TBC1D19: variants seen among roughly 807,000 people sequenced by gnomAD.
The protein encoded by TBC1D19 is TBC1 domain family member 19.
Under a neutral mutation model 89.0 loss-of-function variants are expected in TBC1D19, and 60 were observed. The observed-to-expected ratio is 0.67, with a 90% CI of 0.55 to 0.84. The LOEUF (loss-of-function observed/expected upper bound fraction) is 0.84. TBC1D19 is among the 40% of genes least tolerant of loss of function. The pLI, the probability that TBC1D19 is intolerant of heterozygous loss-of-function variation, is 0.00. For missense variants in TBC1D19, 500 were observed against 610.8 expected (o/e 0.82, Z 1.91); for synonymous variants, 189 against 199.7 (o/e 0.95, Z 0.45).
upstream of TBC1D19, among the ~76,000 whole-genome samples, chr4:26,581,591 G>A (rs1171506443): frequency 6.6e-6 from 1 of 152,164 alleles, no homozygotes; most frequent in Non-Finnish European, 1.5e-5. Context: ...TGGTGTATAT[G>A]TGCCACCAGA....
intron 13 of TBC1D19, among the ~76,000 whole-genome samples, chr4:26,697,130 A>T (rs1394652013): frequency 6.6e-6 from 1 of 152,206 alleles, no homozygotes; most frequent in Non-Finnish European, 1.5e-5. Context: ...TAAAGAAGAA[A>T]AGAGAGAAGA....
chr4:26,849,776 A>T, the TBC1D19 span, among the ~76,000 whole-genome samples: 1 of 152,310 alleles, frequency 6.6e-6, no homozygotes, highest in Non-Finnish European at 1.5e-5. Flanking sequence ...CTAAATCCAT[A>T]TTATGCCAAC....
At chr4:26,667,257 A>G (rs1711893193) in intron 9 of TBC1D19, among the ~76,000 whole-genome samples, 1 of 152,050 alleles carries the variant, frequency 6.6e-6, no homozygotes, top group Admixed American at 6.6e-5. Flanking sequence ...ATAAAAGAAT[A>G]CATCTATAAT....
chr4:26,728,074 G>A (rs1282640360), intron 15 of TBC1D19, among the ~76,000 whole-genome samples: 2 of 152,122 alleles, frequency 1.3e-5, no homozygotes, highest in Admixed American at 6.5e-5. Flanking sequence ...TTAATTTATT[G>A]TAAGCTTTCT....
chr4:26,624,465 C>T (rs1174925705), intron 4 of TBC1D19, among the ~76,000 whole-genome samples: 4 of 152,146 alleles, frequency 2.6e-5, no homozygotes, highest in African/African-American at 9.7e-5. Context: ...CAACCTCAGC[C>T]TCCCAAAGTG....
At chr4:26,847,520 C>T in the TBC1D19 span, among the ~76,000 whole-genome samples, 1 of 152,048 alleles carries the variant, frequency 6.6e-6, no homozygotes, top group Non-Finnish European at 1.5e-5. Flanking sequence ...GTTCTAGGAC[C>T]GGTGATGAGA....
chr4:26,639,371 T>G (rs915234744), intron 6 of TBC1D19, among the ~76,000 whole-genome samples: 7 of 152,144 alleles, frequency 4.6e-5, no homozygotes. Context: ...TATTTATCCT[T>G]TTTTAAAGCA....
intron 4 of TBC1D19, among the ~76,000 whole-genome samples, chr4:26,632,035 T>G (rs1341146674): frequency 6.6e-6 from 1 of 152,136 alleles, no homozygotes; most frequent in African/African-American, 2.4e-5. Context: ...GAGCTGTTTT[T>G]GCCAAAATAA....
the TBC1D19 span, among the ~76,000 whole-genome samples, chr4:26,801,906 A>C: frequency 6.6e-6 from 1 of 152,156 alleles, no homozygotes; most frequent in African/African-American, 2.4e-5. Flanking sequence ...AATGAGAGAG[A>C]TTGATAATCT....
chr4:26,678,902 G>A (rs951336154), intron 11 of TBC1D19, among the ~76,000 whole-genome samples: 1 of 152,078 alleles, frequency 6.6e-6, no homozygotes, highest in African/African-American at 2.4e-5. Flanking sequence ...GTGATTTGGG[G>A]ACCCCAAGAT....
the TBC1D19 span, among the ~76,000 whole-genome samples, chr4:26,835,013 C>CA: frequency 6.6e-6 from 1 of 152,168 alleles, no homozygotes; most frequent in African/African-American, 2.4e-5. Flanking sequence ...GAATAATGGC[C>CA]TCCAAAGATG....
chr4:26,733,482 C>T (rs1345446772), intron 15 of TBC1D19, among the ~76,000 whole-genome samples: 4 of 152,120 alleles, frequency 2.6e-5, no homozygotes, highest in Non-Finnish European at 5.9e-5. Flanking sequence ...CACACACACA[C>T]ACTCTTTAGT....
intron 4 of TBC1D19, among the ~76,000 whole-genome samples, chr4:26,626,359 G>T (rs1742399224): frequency 6.6e-6 from 1 of 152,124 alleles, no homozygotes. Flanking sequence ...CATACAGTGT[G>T]ATAAATATAA....
chr4:26,641,757 A>G (rs1050570483), intron 7 of TBC1D19, among the ~76,000 whole-genome samples: 4 of 152,238 alleles, frequency 2.6e-5, no homozygotes, highest in Non-Finnish European at 4.4e-5. Context: ...GCTGAAAACC[A>G]TGGCACGAGA....
intron 15 of TBC1D19, among the ~76,000 whole-genome samples, chr4:26,733,585 G>T (rs1279453517): frequency 6.6e-6 from 1 of 152,134 alleles, no homozygotes; most frequent in Non-Finnish European, 1.5e-5. Flanking sequence ...ACATCAATAT[G>T]AAAGGAGTTT....
exon 1 of TBC1D19, chr4:26,576,763 G>A: frequency 2.2e-6 from 1 of 456,300 alleles, no homozygotes; most frequent in Non-Finnish European, 4.4e-6. Flanking sequence ...GAGATGAAGA[G>A]AGGGGCCACA....
upstream of TBC1D19, among the ~76,000 whole-genome samples, chr4:26,582,982 G>T (rs1010648437): frequency 6.6e-6 from 1 of 152,104 alleles, no homozygotes; most frequent in East Asian, 1.9e-4. Context: ...TCAGAAATGC[G>T]GTTTACCAGT....
At chr4:26,753,960 T>G (rs1290885710) in intron 20 of TBC1D19, 70 bp downstream of exon 20, 1 of 1,558,228 alleles carries the variant, frequency 6.4e-7, no homozygotes, top group Middle Eastern at 1.7e-4. Flanking sequence ...CATTTTAGTG[T>G]CTGTTGCATA....
chr4:26,680,011 A>C (rs1713191041), intron 11 of TBC1D19, among the ~76,000 whole-genome samples: 1 of 152,144 alleles, frequency 6.6e-6, no homozygotes, highest in Non-Finnish European at 1.5e-5. Context: ...GGTTTCCTCC[A>C]TTTTGTTCTC....
Sources: allele counts gnomAD v4.1 joint callset (sites outside exome capture counted in the v4.1 genomes callset), GRCh38; gene constraint gnomAD v4.1.1; transcripts MANE v1.5; gene names NCBI Gene and HGNC (gene_info 2026-07-23, HGNC 2026-07-21).